Variants in DNAH7 observed in about 807,000 individuals in gnomAD.
The protein encoded by DNAH7 is axonemal beta dynein heavy chain 7.
DNAH7 carries 397 observed loss-of-function variants against 444.6 expected under a neutral mutation model. The ratio of observed to expected loss-of-function variants is 0.89; its 90% CI spans 0.82 to 0.97. The LOEUF is 0.97. Among genes scored for constraint, DNAH7 ranks in the 50% least tolerant of loss-of-function variants. The pLI is 0.00. For missense variants in DNAH7, 4,902 were observed against 4,800.8 expected, an observed-to-expected ratio of 1.02 and a Z score of -0.62; for synonymous variants, 1,636 against 1,624.4, an observed-to-expected ratio of 1.01 and a Z score of -0.17.
chr2:195,913,379 A>G (rs913816888), intron 24 of DNAH7, among the ~76,000 whole-genome samples: 16 of 152,180 alleles, frequency 1.1e-4, no homozygotes, highest in African/African-American at 3.9e-4. Flanking sequence ...ACAGCATCCT[A>G]TATCATAGCC....
At chr2:195,861,332 G>A (rs952934432) in intron 42 of DNAH7, among the ~76,000 whole-genome samples, 1 of 152,096 alleles carries the variant, frequency 6.6e-6, no homozygotes, top group Admixed American at 6.6e-5. Flanking sequence ...GTTTTCAAAT[G>A]ACAGTTTATT....
At chr2:195,843,207 A>C (rs1698790624) in intron 47 of DNAH7, among the ~76,000 whole-genome samples, 1 of 152,210 alleles carries the variant, frequency 6.6e-6, no homozygotes, top group African/African-American at 2.4e-5. Flanking sequence ...CACTGCCTGC[A>C]TGCCACATGT....
intron 49 of DNAH7, among the ~76,000 whole-genome samples, chr2:195,820,406 T>C (rs1268073492): frequency 1.3e-5 from 2 of 151,364 alleles, no homozygotes; most frequent in Non-Finnish European, 2.9e-5. Context: ...AGTATATGTA[T>C]ACCTATGTAA....
At chr2:195,943,676 C>T (rs1056142549) in intron 19 of DNAH7, among the ~76,000 whole-genome samples, 5 of 152,184 alleles carry the variant, frequency 3.3e-5, no homozygotes, top group African/African-American at 9.7e-5. Context: ...GCCATCATGA[C>T]TTCTTCATTT....
At position 195,845,067 on chromosome 2, in the gene DNAH7, A is replaced by C. The variant is rs371139613; in HGVS notation, c.8880T>G (p.Ile2960Met). The C allele has an allele frequency of 1.8e-5, 29 of 1,613,814 alleles. No individual in the cohort carries two copies. The highest frequency in any genetic ancestry group is 2.3e-5 in the Non-Finnish European group (27 of 1,179,912). Residue 2960 changes from isoleucine (I) to methionine (M), a missense_variant, in exon 47 of 65, where the codon ATT becomes ATG. Ile to Met is a conservative substitution (Grantham distance 10). Transcript: ENST00000312428. ...LMGTLGEAVT[I>M]RTWNIAGLPS... Reference sequence around the variant, plus strand: ...GTAATCCAGCAATATTCCAAGTTCGAATTGTCACAGCTTCTCCCAGGGTAC... The same window carrying C: ...GTAATCCAGCAATATTCCAAGTTCGCATTGTCACAGCTTCTCCCAGGGTAC...
intron 63 of DNAH7, among the ~76,000 whole-genome samples, chr2:195,749,169 A>C (rs1693624260): frequency 6.6e-6 from 1 of 152,250 alleles, no homozygotes; most frequent in Non-Finnish European, 1.5e-5. Context: ...AAAGTGCGTG[A>C]AGGACATGAA....
rs748263421 is a variant in DNAH7 at position 195,816,828 on chromosome 2, T to C, written c.9561A>G (p.Glu3187=). ...ALANEISQKQ[E]VAEETEKKID... is the part of the protein sequence containing the mutation. ...TCTTTTTCTCTGTCTCTTCGGCTAC[T>C]TCCTGCTTCTGAGAAATCTCATTAG... The change falls in exon 51 of 65, where the codon GAA becomes GAG. Residue 3187 remains glutamate (E), a synonymous_variant. Coordinates refer to ENST00000312428, the MANE Select transcript of DNAH7 (RefSeq NM_018897.3). 5.0e-6 allele frequency: 8 copies of C among 1,614,052 alleles called. No homozygotes were observed. The African/African-American group carries it at 1.1e-4, about 22-fold the overall frequency.
Position 195,748,607 on chromosome 2 carries a change from G to A in DNAH7, c.11764+5730C>T, listed in dbSNP as rs185294059. Among the ~76,000 whole-genome samples the A allele has an allele frequency of 2.4e-3, 365 of 152,158 alleles. 2 individuals carry two copies. The highest frequency in any genetic ancestry group is 7.6e-3 in the African/African-American group (314 of 41,526). Reference sequence around the variant, plus strand: ...ACTATACTACAAGGCTACAGTAACCGAAACAGCATGGTACTGGTACCAAAA... The same window carrying A: ...ACTATACTACAAGGCTACAGTAACCAAAACAGCATGGTACTGGTACCAAAA... On this transcript the variant is annotated intron_variant, in intron 63 of 64. Coordinates refer to ENST00000312428, the MANE Select transcript of DNAH7 (RefSeq NM_018897.3).
At chr2:195,785,451 A>G (rs544877745) in intron 58 of DNAH7, among the ~76,000 whole-genome samples, 2 of 151,956 alleles carry the variant, frequency 1.3e-5, no homozygotes, top group East Asian at 1.9e-4. Flanking sequence ...GTGAGAAAGG[A>G]TATCATTGCC....
intron 63 of DNAH7, among the ~76,000 whole-genome samples, chr2:195,745,622 A>T (rs1316744151): frequency 6.6e-6 from 1 of 152,266 alleles, no homozygotes; most frequent in Non-Finnish European, 1.5e-5. Flanking sequence ...CGGGTTACCC[A>T]CAAAGGGAAG....
chr2:195,763,904 CCAGA>C lies in DNAH7; in HGVS notation c.11434-7623_11434-7620del, dbSNP rs996103330. Among the ~76,000 whole-genome samples the C allele has an allele frequency of 6.6e-5, 10 of 151,904 alleles. No individual in the cohort carries two copies. The East Asian group carries it at 1.9e-3, about 29-fold the overall frequency. On this transcript the variant is annotated intron_variant, in intron 61 of 64. Coordinates refer to ENST00000312428, the MANE Select transcript of DNAH7 (RefSeq NM_018897.3). ...GAGGCCTGTATTACTTTTACCAAAA[CCAGA>C]CAAAGACATATCAAACAAAGAAAAC...
chr2:195,746,142 G>A (rs1233301974), intron 63 of DNAH7, among the ~76,000 whole-genome samples: 1 of 152,146 alleles, frequency 6.6e-6, no homozygotes, highest in Non-Finnish European at 1.5e-5. Context: ...AAGATAAAAG[G>A]ATGGAGGAAG....
chr2:195,776,475 G>A (rs964895768), intron 59 of DNAH7, among the ~76,000 whole-genome samples: 2 of 151,716 alleles, frequency 1.3e-5, no homozygotes. Context: ...AAAAAAGAAT[G>A]TATTTACAGA....
At chr2:195,889,797 T>C (rs890720348) in intron 31 of DNAH7, among the ~76,000 whole-genome samples, 3 of 152,216 alleles carry the variant, frequency 2.0e-5, no homozygotes, top group Admixed American at 2.0e-4. Flanking sequence ...CTTCACTGAA[T>C]GAATTCACAC....
intron 61 of DNAH7, among the ~76,000 whole-genome samples, chr2:195,770,583 G>A (rs1220472833): frequency 2.0e-5 from 3 of 152,030 alleles, no homozygotes; most frequent in African/African-American, 7.2e-5. Context: ...GCCCCTCAAC[G>A]TAATTTAGGT....
chr2:195,884,526 G>T lies in DNAH7; in HGVS notation c.5763+59C>A. The T allele has an allele frequency of 2.4e-6, 3 of 1,242,474 alleles. No individual in the cohort carries two copies. The South Asian group carries it at 3.7e-5, about 15-fold the overall frequency. The allele number at this position is 1,242,474 out of a possible 1,614,324, so 77.0% of individuals were successfully genotyped here. ...TGGCCACAGGGCCATTATATGCTATGTGTCAGAGAGGGGACTCTGCCAGGC... is the reference window on the plus strand; with the variant it reads ...TGGCCACAGGGCCATTATATGCTATTTGTCAGAGAGGGGACTCTGCCAGGC... On this transcript the variant is annotated intron_variant, in intron 35 of 64. Transcript: ENST00000312428.
intron 1 of DNAH7, among the ~76,000 whole-genome samples, chr2:196,064,801 T>C (rs1022442647): frequency 3.9e-5 from 6 of 152,202 alleles, no homozygotes; most frequent in African/African-American, 9.7e-5. Context: ...TCTGTGAGCA[T>C]AGTACAATGT....
rs920038617 is a variant in DNAH7, at chr2:195,823,703, A to G, written c.9291+552T>C. 5.3e-5 allele frequency among the ~76,000 whole-genome samples: 8 copies of G among 152,188 alleles called. No individual in the cohort carries two copies. The South Asian group carries it at 1.7e-3, about 31-fold the overall frequency. ...AAGGCTAAGAAGTAGGACTAAAAAC[A>G]GAATAAGGTGTAGGCCATAAACCTA... On this transcript the variant is annotated intron_variant, in intron 49 of 64. Transcript: ENST00000312428.
At chr2:195,835,584 G>A (rs1698325867) in intron 47 of DNAH7, among the ~76,000 whole-genome samples, 1 of 152,132 alleles carries the variant, frequency 6.6e-6, no homozygotes, top group African/African-American at 2.4e-5. Context: ...GGTAGCTCAT[G>A]CCTGTAATCC....
Sources: allele counts gnomAD v4.1 joint callset (sites outside exome capture counted in the v4.1 genomes callset), GRCh38; gene constraint gnomAD v4.1.1; transcripts MANE v1.5; gene names NCBI Gene and HGNC (gene_info 2026-07-23, HGNC 2026-07-21).